Variants in CHTF18 observed in about 807,000 individuals in gnomAD.
CHTF18 encodes the protein chromosome transmission fidelity factor 18.
CHTF18 carries 151 observed loss-of-function variants against 113.4 expected under a neutral mutation model. The observed-to-expected ratio is 1.33, with a 90% CI of 1.17 to 1.52. The LOEUF is 1.52. Among genes scored for constraint, CHTF18 ranks in the 40% most tolerant of loss-of-function variants. CHTF18 has a pLI of 0.00. For synonymous variants in CHTF18, 916 were observed against 598.8 expected, an observed-to-expected ratio of 1.53 and a Z score of -7.74; for missense variants, 1,982 against 1,381.6, an observed-to-expected ratio of 1.43 and a Z score of -6.89.
At position 795,201 on chromosome 16, in the gene CHTF18, G is replaced by C; in HGVS notation, c.2020G>C (p.Asp674His). 4 of 1,557,322 alleles carry C rather than the reference G, an allele frequency of 2.6e-6. No individual in the cohort carries two copies. The highest frequency in any genetic ancestry group is 3.5e-6 in the Non-Finnish European group (4 of 1,150,820). ...SSLGAVCVAL[D>H]WLAFDDLLAG... ...CCTGGGTGCTGTGTGTGTGGCCCTC[G>C]ACTGGCTGGCCTTCGATGACCTGCT... The change falls in exon 16 of 22, where the codon GAC becomes CAC. Residue 674 changes from aspartate to histidine, a missense_variant. Asp to His is a moderately conservative substitution (Grantham distance 81). Transcript: ENST00000262315.
chr16:790,914 T>A (rs2042179492), intron 7 of CHTF18: 3 of 1,432,866 alleles, frequency 2.1e-6, no homozygotes, highest in East Asian at 5.0e-5. Flanking sequence ...CTTTCCTACC[T>A]TCACAGCAGC....
intron 4 of CHTF18, chr16:789,962 C>T (rs767717705): frequency 2.3e-5 from 35 of 1,533,968 alleles, no homozygotes; most frequent in East Asian, 1.7e-4. Context: ...CTGCTTTTGC[C>T]CTTTCCTCCT....
Position 792,588 on chromosome 16 carries a change from C to T in CHTF18, c.1476C>T (p.Asp492=). 3 of 1,595,626 alleles carry T rather than the reference C, an allele frequency of 1.9e-6. No homozygotes were observed. The highest frequency in any genetic ancestry group is 2.6e-6 in the Non-Finnish European group (3 of 1,174,318). Residue 492 remains aspartate (D), a splice_region_variant and synonymous_variant, in exon 11 of 22, where the codon GAC becomes GAT. Transcript: ENST00000262315. ...GGCCCATTATCTGCATTTGCAATGACCAGTGAGTGCATGGGCGGGCGCCAC... is the reference window on the plus strand; with the variant it reads ...GGCCCATTATCTGCATTTGCAATGATCAGTGAGTGCATGGGCGGGCGCCAC... ...LMRPIICICN[D]QFAPSLRQLK...
chr16:795,831 C>T lies in CHTF18; in HGVS notation c.2322C>T (p.Arg774=). 10 of 1,609,374 alleles carry T rather than the reference C, an allele frequency of 6.2e-6. No individual in the cohort carries two copies. Among genetic ancestry groups the T allele is most frequent in the Non-Finnish European group, 8.5e-6 (10 of 1,178,482 alleles). Residue 774 remains arginine, a synonymous_variant, in exon 17 of 22, where the codon CGC becomes CGT. Coordinates refer to ENST00000262315, the MANE Select transcript of CHTF18 (RefSeq NM_022092.3). ...TGGACATTCTTGCACCCAAGCTCCG[C>T]CCCGTGAGTGCCGTCCCCGGGGTGG... ...LLLDILAPKL[R]PVSTQLYSTR... is the part of the protein sequence containing the mutation.
chr16:796,514 G>T lies in CHTF18; in HGVS notation c.2457-203G>T, dbSNP rs984182371. ...TCGGCAGGTTTCATCATCATCCCAC[G>T]TACACTTGCAGTTGGGGAAACTGAG... On this transcript the variant is annotated intron_variant, in intron 18 of 21. Coordinates refer to ENST00000262315, the MANE Select transcript of CHTF18 (RefSeq NM_022092.3). The T allele has an allele frequency of 6.5e-6, 4 of 619,740 alleles. No homozygotes were observed. In the African/African-American group the frequency reaches 7.4e-5, roughly 12 times the overall value. The allele number at this position is 619,740 out of a possible 1,614,324, so 38.4% of individuals were successfully genotyped here. A position where few individuals can be genotyped will look rare whatever the true frequency, so the allele number is the denominator to read the frequency against.
Position 797,945 on chromosome 16 carries a change from G to T in CHTF18, c.2898G>T (p.Arg966=). The T allele has an allele frequency of 6.2e-7, 1 of 1,612,392 alleles. No individual in the cohort carries two copies. Among genetic ancestry groups the T allele is most frequent in the Non-Finnish European group, 8.5e-7 (1 of 1,179,752 alleles). Residue 966 remains arginine (R), a synonymous_variant, in exon 22 of 22, where the codon CGG becomes CGT. Coordinates refer to ENST00000262315, the MANE Select transcript of CHTF18 (RefSeq NM_022092.3). ...ACGAGGGTGTCTCCAACGCCGTGCG[G>T]CGCAGCCTGTACATCAGGGACTTGC... is the stretch of plus-strand genomic sequence containing the variant. ...RFNEGVSNAV[R]RSLYIRDLL
intron 7 of CHTF18, 48 bp from the exon 8 acceptor site, chr16:791,113 T>A (rs372267710): frequency 6.4e-7 from 1 of 1,566,878 alleles, no homozygotes; most frequent in Non-Finnish European, 8.6e-7. Flanking sequence ...TGTCCGTGCC[T>A]GGAGGCGGTG....
Position 792,535 on chromosome 16 carries a change from C to T in CHTF18, c.1423C>T (p.Arg475Cys), listed in dbSNP as rs377472427. ...PAVPSGGGRR[R>C]RAEGGLLMRP... ...TGTGCCTTCGGGAGGCGGCCGACGG[C>T]GCCGGGCAGAGGGGGGGCTCCTCAT... Residue 475 changes from arginine (R) to cysteine (C), a missense_variant, in exon 11 of 22, where the codon CGC becomes TGC. Arg to Cys is a radical substitution (Grantham distance 180). Transcript: ENST00000262315. The T allele has an allele frequency of 1.9e-5, 31 of 1,596,654 alleles. No individual in the cohort carries two copies. The highest frequency in any genetic ancestry group is 2.5e-5 in the Non-Finnish European group (29 of 1,175,076).
At position 795,300 on chromosome 16, in the gene CHTF18, G is replaced by A. The variant is rs1364059783; in HGVS notation, c.2119G>A (p.Val707Met). 2 of 1,548,572 alleles carry A rather than the reference G, an allele frequency of 1.3e-6. No individual in the cohort carries two copies. The highest frequency in any genetic ancestry group is 2.0e-5 in the Admixed American group (1 of 50,972). ...YPPFLPVAFHVLFASSHTPRI... is the reference protein window; with the variant it reads ...YPPFLPVAFHMLFASSHTPRI... ...ACCCTTCCTGCCCGTGGCCTTCCAT[G>A]TGCTGTTTGCTTCCAGCCACACACC... The change falls in exon 16 of 22, where the codon GTG becomes ATG. Residue 707 changes from valine to methionine, a missense_variant. Transcript: ENST00000262315.
In CHTF18 at chr16:790,419, C is replaced by A; in HGVS notation, c.752+20C>A. 1.2e-6 allele frequency: 2 copies of A among 1,612,212 alleles called. No individual in the cohort carries two copies. The highest frequency in any genetic ancestry group is 1.7e-6 in the Non-Finnish European group (2 of 1,179,722). On this transcript the variant is annotated intron_variant, in intron 6 of 21. Transcript: ENST00000262315. ...GCACAGGTGACTTGGTTGGCCCTTC[C>A]GCCCTGGGGACCCTTGTTGGCTCTT...
In CHTF18 at chr16:791,261, C is replaced by T; in HGVS notation, c.995C>T (p.Ala332Val). 6.2e-7 allele frequency: 1 copy of T among 1,610,416 alleles called. No homozygotes were observed. Among genetic ancestry groups the T allele is most frequent in the Non-Finnish European group, 8.5e-7 (1 of 1,179,198 alleles). Residue 332 changes from alanine (A) to valine (V), a missense_variant, in exon 8 of 22, where the codon GCC (alanine) becomes GTC (valine). Coordinates refer to ENST00000262315, the MANE Select transcript of CHTF18 (RefSeq NM_022092.3). Reference protein sequence around the residue: ...SRKPRPSVEPARVSKEATAPG... With the variant: ...SRKPRPSVEPVRVSKEATAPG... ...AAGCCCAGGCCCAGTGTTGAGCCGG[C>T]CCGGGTCAGCAAGGAGGCCACAGCC...
rs1452100063 is a variant in CHTF18 at position 788,676 on chromosome 16, G to C, written c.-9G>C. Reference sequence around the variant, plus strand: ...AGGTTCGGAGCGGGAGCTCGGGCTCGCGGACGGTATGGAGGACTACGAGCA... The same window carrying C: ...AGGTTCGGAGCGGGAGCTCGGGCTCCCGGACGGTATGGAGGACTACGAGCA... On this transcript the variant is annotated 5_prime_UTR_variant, in exon 1 of 22. Coordinates refer to ENST00000262315, the MANE Select transcript of CHTF18 (RefSeq NM_022092.3). 1 of 1,532,894 alleles carries C rather than the reference G, an allele frequency of 6.5e-7. No individual in the cohort carries two copies. The highest frequency in any genetic ancestry group is 2.1e-5 in the Admixed American group (1 of 48,710). 95.0% of individuals were successfully genotyped at this position (1,532,894 alleles called of 1,614,324 possible). A position where few individuals can be genotyped will look rare whatever the true frequency, so the allele number is the denominator to read the frequency against.
Position 792,764 on chromosome 16 carries a change from C to T in CHTF18, c.1525C>T (p.His509Tyr), listed in dbSNP as rs1156303346. The T allele has an allele frequency of 2.6e-6, 4 of 1,548,830 alleles. No individual in the cohort carries two copies. The highest frequency in any genetic ancestry group is 1.7e-4 in the Middle Eastern group (1 of 6,022). ...RQLKQQAFLL[H>Y]FPPTLPSRLV... ...GCTGAAGCAGCAGGCCTTCCTGCTCCACTTCCCGCCGACTCTGCCCTCGAG... is the reference window on the plus strand; with the variant it reads ...GCTGAAGCAGCAGGCCTTCCTGCTCTACTTCCCGCCGACTCTGCCCTCGAG... Residue 509 changes from histidine to tyrosine, a missense_variant, in exon 12 of 22, where the codon CAC becomes TAC. By Grantham distance (83) the His-to-Tyr change is moderately conservative. Coordinates refer to ENST00000262315, the MANE Select transcript of CHTF18 (RefSeq NM_022092.3).
At chr16:795,101 C>T in intron 15 of CHTF18, 31 bp from the exon 16 acceptor site, 4 of 1,502,240 alleles carry the variant, frequency 2.7e-6, no homozygotes, top group East Asian at 2.5e-5. Flanking sequence ...CTGGGGTGGG[C>T]AGGAGCTCAG....
rs773298039 is a variant in CHTF18 at position 793,246 on chromosome 16, G to A, written c.1774G>A (p.Glu592Lys). ...QRRGLFSVWQ[E>K]VFQLPRAQRR... ...CAGAGGGCTCTTCTCGGTGTGGCAG[G>A]AGGTCTTCCAGCTGCCTCGAGCCCA... The change falls in exon 14 of 22, where the codon GAG (glutamate) becomes AAG (lysine). Residue 592 changes from glutamate to lysine, a missense_variant. Transcript: ENST00000262315. The A allele has an allele frequency of 3.1e-6, 5 of 1,608,022 alleles. No individual in the cohort carries two copies. In the East Asian group the frequency reaches 1.1e-4, roughly 36 times the overall value.
At chr16:796,596 C>T (rs2042354854) in intron 18 of CHTF18, 121 bp from the exon 19 acceptor site, 2 of 1,218,564 alleles carry the variant, frequency 1.6e-6, no homozygotes, top group Non-Finnish European at 2.2e-6. Context: ...CACCAGGACT[C>T]AGCCCCACAT....
chr16:797,762 G>A lies in CHTF18; in HGVS notation c.2791+11G>A, dbSNP rs1567408074. 1 of 1,610,178 alleles carries A rather than the reference G, an allele frequency of 6.2e-7. No homozygotes were observed. The highest frequency in any genetic ancestry group is 2.2e-5 in the East Asian group (1 of 44,848). On this transcript the variant is annotated intron_variant, in intron 21 of 21. Transcript: ENST00000262315. Reference sequence around the variant, plus strand: ...CAGTCCCGAGTGCAGGTGTGTGTGGGGGTGTTGTGGGGTTGTGGGGGGCCT... The same window carrying A: ...CAGTCCCGAGTGCAGGTGTGTGTGGAGGTGTTGTGGGGTTGTGGGGGGCCT...
intron 8 of CHTF18, 132 bp downstream of exon 8, chr16:791,502 T>A: frequency 4.9e-6 from 7 of 1,443,164 alleles, no homozygotes; most frequent in Non-Finnish European, 6.3e-6. Flanking sequence ...TGAAGCGCCA[T>A]TAGCGTGAGT....
At position 793,200 on chromosome 16, in the gene CHTF18, C is replaced by T. The variant is rs115699849; in HGVS notation, c.1728C>T (p.Arg576=). 9.4e-4 allele frequency: 1,520 copies of T among 1,608,910 alleles called. 15 individuals are homozygous for T. In the African/African-American group the frequency reaches 0.018, roughly 19 times the overall value. ...GCGTGCGGGACGTGCAGGCCACACGCGTGGGCCTCAAGGACCAGCGCAGAG... is the reference window on the plus strand; with the variant it reads ...GCGTGCGGGACGTGCAGGCCACACGTGTGGGCCTCAAGGACCAGCGCAGAG... ...ELSVRDVQAT[R]VGLKDQRRGL... Residue 576 remains arginine (R), a synonymous_variant, in exon 14 of 22, where the codon CGC becomes CGT. Coordinates refer to ENST00000262315, the MANE Select transcript of CHTF18 (RefSeq NM_022092.3).
Sources: allele counts gnomAD v4.1 joint callset, GRCh38; gene constraint gnomAD v4.1.1; transcripts MANE v1.5; gene names NCBI Gene and HGNC (gene_info 2026-07-23, HGNC 2026-07-21).